NRG3: variants seen among roughly 807,000 people sequenced by gnomAD.
NRG3 encodes neuregulin 3.
In NRG3, 31 loss-of-function variants were observed where a neutral mutation model predicts 66.9. The observed-to-expected ratio is 0.46, with a 90% CI of 0.35 to 0.63. The LOEUF (loss-of-function observed/expected upper bound fraction) is 0.63, where lower values mean the gene tolerates loss of function less well. Ranked by LOEUF, NRG3 falls within the 20% of genes least tolerant of loss-of-function variation. The probability of loss-of-function intolerance (pLI) is 0.00; values close to 1 mark genes in which losing one functional copy is unlikely to be tolerated. For synonymous variants in NRG3, 393 were observed against 359.4 expected (o/e 1.09, Z -1.06); for missense variants, 910 against 878.9 (o/e 1.04, Z -0.45).
intron 3 of NRG3, among the ~76,000 whole-genome samples, chr10:82,827,713 C>T (rs2062306550): frequency 6.6e-6 from 1 of 152,146 alleles, no homozygotes; most frequent in African/African-American, 2.4e-5. Context: ...GGTTAATTCA[C>T]TCGAAGCAGA....
chr10:82,188,211 A>G (rs1317656046), intron 1 of NRG3, among the ~76,000 whole-genome samples: 2 of 152,214 alleles, frequency 1.3e-5, no homozygotes, highest in African/African-American at 2.4e-5. Context: ...TACACTGTAG[A>G]AAAGACAGTC....
chr10:82,684,100 C>T (rs985587859), intron 2 of NRG3, among the ~76,000 whole-genome samples: 8 of 152,098 alleles, frequency 5.3e-5, no homozygotes, highest in Admixed American at 1.3e-4. Context: ...ATTAGCTCCC[C>T]GTAGACAGGT....
At chr10:82,405,481 G>T (rs1362519214) in intron 2 of NRG3, among the ~76,000 whole-genome samples, 1 of 114,118 alleles carries the variant, frequency 8.8e-6, no homozygotes, top group Non-Finnish European at 1.7e-5. Flanking sequence ...TTGAAATGGA[G>T]TCTCGCTCTG....
chr10:82,463,660 T>G (rs1274385604), intron 2 of NRG3, among the ~76,000 whole-genome samples: 1 of 152,150 alleles, frequency 6.6e-6, no homozygotes, highest in Non-Finnish European at 1.5e-5. Context: ...TCTCACTACC[T>G]CTTCAGAACA....
chr10:82,786,344 G>C (rs963361540), intron 3 of NRG3, among the ~76,000 whole-genome samples: 1 of 152,130 alleles, frequency 6.6e-6, no homozygotes, highest in Non-Finnish European at 1.5e-5. Flanking sequence ...TGAGACAAGA[G>C]CTCAACACAG....
rs550201881 is a variant in NRG3 at position 82,692,087 on chromosome 10, AC to A, written c.954-46485del. 3.4e-3 allele frequency among the ~76,000 whole-genome samples: 514 copies of A among 151,662 alleles called. 1 individual carries two copies. The highest frequency in any genetic ancestry group is 6.0e-3 in the Non-Finnish European group (404 of 67,874). On this transcript the variant is annotated intron_variant, in intron 2 of 8. Coordinates refer to ENST00000372141, the MANE Select transcript of NRG3 (RefSeq NM_001010848.4). Reference sequence around the variant, plus strand: ...TCAGGAGTTTGGCCAACATGGCAAAACCCCCTCTCTACAAAAATTAGCCAGG... The same window carrying A: ...TCAGGAGTTTGGCCAACATGGCAAAACCCCTCTCTACAAAAATTAGCCAGG...
chr10:81,952,126 G>T (rs1849419625), intron 1 of NRG3, among the ~76,000 whole-genome samples: 1 of 152,116 alleles, frequency 6.6e-6, no homozygotes, highest in South Asian at 2.1e-4. Context: ...AGCATTAGGA[G>T]ATATACCTAA....
intron 1 of NRG3, among the ~76,000 whole-genome samples, chr10:81,958,249 A>G (rs118070005): frequency 0.015 from 2,236 of 152,342 alleles, 21 homozygotes; most frequent in Non-Finnish European, 0.024. Flanking sequence ...GGAGGTATGT[A>G]GATGACAAAT....
intron 1 of NRG3, among the ~76,000 whole-genome samples, chr10:82,239,266 G>C (rs976948645): frequency 6.6e-6 from 1 of 151,954 alleles, no homozygotes; most frequent in African/African-American, 2.4e-5. Context: ...TTTGAGATGG[G>C]AGTCTTGCCC....
At chr10:82,135,624 C>T (rs1345186510) in intron 1 of NRG3, among the ~76,000 whole-genome samples, 1 of 152,050 alleles carries the variant, frequency 6.6e-6, no homozygotes, top group Non-Finnish European at 1.5e-5. Context: ...TTGAGAGAGT[C>T]TGATGCATTC....
At chr10:81,936,765 ACAT>A (rs1847914112) in intron 1 of NRG3, among the ~76,000 whole-genome samples, 2 of 152,134 alleles carry the variant, frequency 1.3e-5, no homozygotes. Flanking sequence ...TTTACCCTCC[ACAT>A]CTGTTCTAGG....
At chr10:82,519,588 G>C (rs898130015) in intron 2 of NRG3, among the ~76,000 whole-genome samples, 3 of 152,096 alleles carry the variant, frequency 2.0e-5, no homozygotes, top group Non-Finnish European at 4.4e-5. Context: ...TCAGTACCCA[G>C]CCTGGTCCCA....
chr10:82,438,451 C>G (rs1274203889), intron 2 of NRG3, among the ~76,000 whole-genome samples: 1 of 152,196 alleles, frequency 6.6e-6, no homozygotes, highest in Non-Finnish European at 1.5e-5. Context: ...TGCTGCCCTT[C>G]CCCCACCCAG....
At chr10:81,938,006 C>T (rs1277692607) in intron 1 of NRG3, among the ~76,000 whole-genome samples, 1 of 151,988 alleles carries the variant, frequency 6.6e-6, no homozygotes, top group Admixed American at 6.6e-5. Flanking sequence ...CAGTCCTTTC[C>T]CTGTTGTGTA....
At chr10:82,356,745 C>T (rs1257929021) in intron 1 of NRG3, among the ~76,000 whole-genome samples, 1 of 152,146 alleles carries the variant, frequency 6.6e-6, no homozygotes, top group African/African-American at 2.4e-5. Flanking sequence ...CTTGCTGTTG[C>T]AATCTTTATC....
rs1001978137 is a variant in NRG3, at chr10:82,813,078, G to A, written c.1028-52333G>A. Among the ~76,000 whole-genome samples the A allele has an allele frequency of 2.6e-5, 4 of 152,032 alleles. No homozygotes were observed. The East Asian group carries it at 7.7e-4, about 29-fold the overall frequency. On this transcript the variant is annotated intron_variant, in intron 3 of 8. Coordinates refer to ENST00000372141, the MANE Select transcript of NRG3 (RefSeq NM_001010848.4). ...CAGCAGGTATCAATCTTTGAAACCT[G>A]TGCTCATATCACTCATGGCAGACCA... is the stretch of plus-strand genomic sequence containing the variant.
chr10:82,062,130 A>G (rs983065256), intron 1 of NRG3, among the ~76,000 whole-genome samples: 1 of 152,140 alleles, frequency 6.6e-6, no homozygotes, highest in African/African-American at 2.4e-5. Context: ...GGGTGATCCA[A>G]GCAGCCCGGG....
At chr10:82,668,126 C>T (rs547329231) in intron 2 of NRG3, among the ~76,000 whole-genome samples, 107 of 152,108 alleles carry the variant, frequency 7.0e-4, no homozygotes, top group African/African-American at 2.4e-3. Context: ...CTTCTCTGCC[C>T]GCACCCTCTC....
At chr10:82,507,439 A>G (rs1844787031) in intron 2 of NRG3, among the ~76,000 whole-genome samples, 1 of 152,204 alleles carries the variant, frequency 6.6e-6, no homozygotes, top group Non-Finnish European at 1.5e-5. Flanking sequence ...AGAGTAATAC[A>G]AGCCTTGGTG....
Sources: gnomAD v4.1 joint callset for allele counts (sites outside exome capture counted in the v4.1 genomes callset) on GRCh38, gnomAD v4.1.1 for gene constraint, MANE v1.5 for transcripts, NCBI Gene and HGNC (gene_info 2026-07-23, HGNC 2026-07-21) for gene names.